The following SLC28A1 variants were observed in gnomAD, a reference collection of about 807,000 sequenced individuals.
SLC28A1 encodes the protein solute carrier family 28 member 1.
In SLC28A1, 64 loss-of-function variants were observed where a neutral mutation model predicts 74.8. The observed-to-expected ratio is 0.86, with a 90% CI of 0.70 to 1.05. The LOEUF (loss-of-function observed/expected upper bound fraction) is 1.05. SLC28A1 is among the 50% of genes least tolerant of loss of function. SLC28A1 has a pLI of 0.00. For synonymous variants in SLC28A1, 359 were observed against 335.0 expected (o/e 1.07, Z -0.78); for missense variants, 828 against 822.8 (o/e 1.01, Z -0.08).
At chr15:84,912,840 ACACACAC>A (rs1567151195) in intron 9 of SLC28A1, among the ~76,000 whole-genome samples, 41 of 129,318 alleles carry the variant, frequency 3.2e-4, no homozygotes, top group Non-Finnish European at 4.9e-4. Context: ...ACACACACAC[ACACACAC>A]AGATCAAATA....
intron 5 of SLC28A1, 105 bp from the exon 6 acceptor site, chr15:84,894,835 C>T: frequency 8.9e-7 from 1 of 1,129,254 alleles, no homozygotes; most frequent in Non-Finnish European, 1.3e-6. Flanking sequence ...GACTTTCCTG[C>T]CCTCCACGCT....
Position 84,884,735 on chromosome 15 carries a change from T to G in SLC28A1, c.-149T>G. The G allele has an allele frequency of 2.0e-6, 2 of 985,588 alleles. No homozygotes were observed. Among genetic ancestry groups the G allele is most frequent in the Non-Finnish European group, 2.4e-6 (2 of 830,072 alleles). 61.1% of individuals were successfully genotyped at this position (985,588 alleles called of 1,614,324 possible). On this transcript the variant is annotated 5_prime_UTR_variant, in exon 1 of 19. The change abolishes an upstream ATG in the 5' untranslated region. Transcript: ENST00000394573. The stretch of plus-strand genomic sequence containing the variant: ...GTTGTGTTCCTGGCTTCCCTCTGGA[T>G]GCTGACAGAAACAAGGGTGAGAGAA...
chr15:84,914,927 C>A (rs1968872549), intron 9 of SLC28A1, among the ~76,000 whole-genome samples: 1 of 152,214 alleles, frequency 6.6e-6, no homozygotes, highest in African/African-American at 2.4e-5. Context: ...TTCTACCATT[C>A]TCCGTCTCAC....
intron 15 of SLC28A1, among the ~76,000 whole-genome samples, chr15:84,937,381 A>C (rs1275848499): frequency 6.6e-6 from 1 of 152,168 alleles, no homozygotes; most frequent in African/African-American, 2.4e-5. Context: ...AGCAGCTGAA[A>C]TCAGCAGCAC....
At chr15:84,908,398 G>T (rs982486511) in intron 8 of SLC28A1, among the ~76,000 whole-genome samples, 11 of 151,982 alleles carry the variant, frequency 7.2e-5, no homozygotes, top group South Asian at 2.1e-4. Context: ...TTGCCAAGCT[G>T]GTTTCGAACT....
intron 13 of SLC28A1, among the ~76,000 whole-genome samples, chr15:84,934,010 T>TGATA (rs1308141986): frequency 2.0e-5 from 3 of 152,124 alleles, no homozygotes; most frequent in Non-Finnish European, 4.4e-5. Context: ...CCTACTCCCA[T>TGATA]GATAACCCAT....
At chr15:84,947,845 T>C (rs2079285786), downstream of SLC28A1, among the ~76,000 whole-genome samples, 1 of 152,170 alleles carries the variant, frequency 6.6e-6, no homozygotes. Flanking sequence ...TGAGGAGACA[T>C]GAACATTCAG....
At chr15:84,925,067 G>GTTTTTTTTTTTTTTTT (rs964017770) in intron 12 of SLC28A1, among the ~76,000 whole-genome samples, 18 of 84,146 alleles carry the variant, frequency 2.1e-4, no homozygotes, top group East Asian at 7.7e-4. Flanking sequence ...CGCCCAGCTA[G>GTTTTTTTTTTTTTTTT]TTTTTTTTTT....
Position 84,944,679 on chromosome 15 carries a change from G to A in SLC28A1, c.1762+15G>A, listed in dbSNP as rs573070671. 5 of 1,610,030 alleles carry A rather than the reference G, an allele frequency of 3.1e-6. No homozygotes were observed. The African/African-American group carries it at 5.3e-5, about 17-fold the overall frequency. On this transcript the variant is annotated intron_variant, in intron 17 of 18. Coordinates refer to ENST00000394573, the MANE Select transcript of SLC28A1 (RefSeq NM_004213.5). ...CTGTATGGCAGGTGAGTGCAGGCCT[G>A]GCAGGCTCAGAAGGTGGAACCCTGA...
rs12591453 is a variant in SLC28A1, at chr15:84,886,474, C to T, written c.-132-198C>T. ...GTCAGTTTGGGAACTGGGGAGAGGG[C>T]AGAGGAGGGCATCTCTGATGGAGAA... On this transcript the variant is annotated intron_variant, in intron 1 of 18. Coordinates refer to ENST00000394573, the MANE Select transcript of SLC28A1 (RefSeq NM_004213.5). 15,279 of 985,338 alleles carry T rather than the reference C, an allele frequency of 0.016. 800 individuals carry two copies. The East Asian group carries it at 0.25, about 16-fold the overall frequency. 61.0% of individuals were successfully genotyped at this position (985,338 alleles called of 1,614,324 possible). A position where few individuals can be genotyped will look rare whatever the true frequency, so the allele number is the denominator to read the frequency against.
chr15:84,899,411 G>A (rs1966359530), intron 6 of SLC28A1, among the ~76,000 whole-genome samples: 1 of 151,578 alleles, frequency 6.6e-6, no homozygotes, highest in Non-Finnish European at 1.5e-5. Flanking sequence ...GACACCCAAA[G>A]ATTAAAGAAA....
At chr15:84,919,249 T>C (rs1193479035) in intron 10 of SLC28A1, among the ~76,000 whole-genome samples, 1 of 152,226 alleles carries the variant, frequency 6.6e-6, no homozygotes, top group Non-Finnish European at 1.5e-5. Context: ...TAAAATATGC[T>C]GCACAAAACT....
chr15:84,918,738 G>T lies in SLC28A1; in HGVS notation c.876+134G>T, dbSNP rs567622615. 1.6e-5 allele frequency: 12 copies of T among 767,130 alleles called. No homozygotes were observed. The African/African-American group carries it at 2.0e-4, about 13-fold the overall frequency. The allele number at this position is 767,130 out of a possible 1,614,324, so 47.5% of individuals were successfully genotyped here. ...TGCTCCCCAAGCCCACACCCTTCCA[G>T]AGTCCCCTGTTCCCAGTGCCTCCAC... On this transcript the variant is annotated intron_variant, in intron 10 of 18. Coordinates refer to ENST00000394573, the MANE Select transcript of SLC28A1 (RefSeq NM_004213.5).
intron 9 of SLC28A1, among the ~76,000 whole-genome samples, chr15:84,917,358 C>T (rs1427631736): frequency 6.6e-6 from 1 of 152,210 alleles, no homozygotes; most frequent in Non-Finnish European, 1.5e-5. Flanking sequence ...GTTCCCTCCC[C>T]AAGGCACCTG....
chr15:84,906,176 T>C (rs954889718), intron 8 of SLC28A1, among the ~76,000 whole-genome samples: 28 of 152,122 alleles, frequency 1.8e-4, no homozygotes, highest in African/African-American at 6.7e-4. Flanking sequence ...CCCACCACCA[T>C]GCCTGGCTAA....
chr15:84,908,407 C>G (rs1221248650), intron 8 of SLC28A1, among the ~76,000 whole-genome samples: 1 of 152,068 alleles, frequency 6.6e-6, no homozygotes, highest in East Asian at 1.9e-4. Context: ...TGGTTTCGAA[C>G]TCCTGACCTC....
At chr15:84,896,009 TTC>T in intron 6 of SLC28A1, 1 of 875,124 alleles carries the variant, frequency 1.1e-6, no homozygotes, top group Non-Finnish European at 1.4e-6. Context: ...TACATTTGAC[TTC>T]TCTTTATTAA....
chr15:84,948,033 T>C (rs2079292586), downstream of SLC28A1, among the ~76,000 whole-genome samples: 1 of 152,206 alleles, frequency 6.6e-6, no homozygotes, highest in East Asian at 1.9e-4. Flanking sequence ...GCTGTATAAC[T>C]TGTAATTCAG....
the SLC28A1 span, among the ~76,000 whole-genome samples, chr15:84,969,969 G>C: frequency 6.6e-6 from 1 of 152,228 alleles, no homozygotes; most frequent in African/African-American, 2.4e-5. Context: ...AAAGTACAAT[G>C]CTTCTGGCTG....
Sources: gnomAD v4.1 joint callset for allele counts (sites outside exome capture counted in the v4.1 genomes callset) on GRCh38, gnomAD v4.1.1 for gene constraint, MANE v1.5 for transcripts, NCBI Gene and HGNC (gene_info 2026-07-23, HGNC 2026-07-21) for gene names.